Variants in TMPRSS12 observed in about 807,000 individuals in gnomAD.
The protein encoded by TMPRSS12 is transmembrane protease serine 12.
In TMPRSS12, 25 loss-of-function variants were observed where a neutral mutation model predicts 26.0. The observed-to-expected ratio is 0.96, with a 90% CI of 0.70 to 1.34. TMPRSS12 has a LOEUF of 1.34. Among genes scored for constraint, TMPRSS12 ranks in the 40% most tolerant of loss-of-function variants. TMPRSS12 has a pLI of 0.00. For missense variants in TMPRSS12, 441 were observed against 440.1 expected (o/e 1.00, Z -0.02); for synonymous variants, 150 against 161.7 (o/e 0.93, Z 0.55).
intron 2 of TMPRSS12, among the ~76,000 whole-genome samples, chr12:50,850,415 C>CA (rs1038045520): frequency 7.2e-5 from 11 of 152,202 alleles, no homozygotes; most frequent in Admixed American, 6.5e-4. Context: ...CCTGTCTCTA[C>CA]AAAAAATTTT....
intron 3 of TMPRSS12, among the ~76,000 whole-genome samples, chr12:50,876,221 A>C (rs1938111247): frequency 6.6e-6 from 1 of 152,210 alleles, no homozygotes; most frequent in Non-Finnish European, 1.5e-5. Context: ...CACTAATCAG[A>C]ATGGCTATTG....
At chr12:50,880,966 C>CTTTTTTTTTTTTTTTTT (rs869152225) in intron 3 of TMPRSS12, among the ~76,000 whole-genome samples, 1 of 61,786 alleles carries the variant, frequency 1.6e-5, no homozygotes. Flanking sequence ...TCAGTAATTT[C>CTTTTTTTTTTTTTTTTT]TTTTTTTTTT....
In TMPRSS12 at chr12:50,887,202, G is replaced by T. The variant is rs368800710; in HGVS notation, c.796-60G>T. 3.9e-6 allele frequency: 6 copies of T among 1,520,882 alleles called. No homozygotes were observed. The African/African-American group carries it at 6.9e-5, about 18-fold the overall frequency. 94.2% of individuals were successfully genotyped at this position (1,520,882 alleles called of 1,614,324 possible). ...TTTGATGTAAATAATTTATTCCAGTGTTACTGTTGCTTGAAGAATACTAGA... is the reference window on the plus strand; with the variant it reads ...TTTGATGTAAATAATTTATTCCAGTTTTACTGTTGCTTGAAGAATACTAGA... On this transcript the variant is annotated intron_variant, in intron 4 of 4. Coordinates refer to ENST00000398458, the MANE Select transcript of TMPRSS12 (RefSeq NM_182559.3).
chr12:50,861,025 T>C (rs1418299477), intron 3 of TMPRSS12, among the ~76,000 whole-genome samples: 1 of 152,154 alleles, frequency 6.6e-6, no homozygotes, highest in African/African-American at 2.4e-5. Flanking sequence ...TTTATAGGCA[T>C]GAGCACCATG....
chr12:50,857,565 T>C (rs924479011), intron 2 of TMPRSS12, among the ~76,000 whole-genome samples: 18 of 152,186 alleles, frequency 1.2e-4, no homozygotes, highest in African/African-American at 4.3e-4. Flanking sequence ...AGTTCTTCCT[T>C]CCTAATTTGA....
chr12:50,859,908 C>T (rs1287804256), intron 3 of TMPRSS12, among the ~76,000 whole-genome samples: 3 of 152,188 alleles, frequency 2.0e-5, no homozygotes, highest in African/African-American at 7.2e-5. Context: ...CTGTGTTTCA[C>T]TCTGTGTATT....
At chr12:50,884,811 G>T (rs1012127395) in intron 3 of TMPRSS12, among the ~76,000 whole-genome samples, 5 of 151,748 alleles carry the variant, frequency 3.3e-5, no homozygotes, top group African/African-American at 1.2e-4. Flanking sequence ...GGCAGAGGTT[G>T]TAGTGAGCCG....
In TMPRSS12 at chr12:50,842,992, C is replaced by A; in HGVS notation, c.28C>A (p.Leu10Met). The A allele has an allele frequency of 4.4e-6, 7 of 1,599,938 alleles. No individual in the cohort carries two copies. Among genetic ancestry groups the A allele is most frequent in the Non-Finnish European group, 6.0e-6 (7 of 1,173,038 alleles). Reference protein sequence around the residue: MRLGLLSVALLFVGSSHLYS... With the variant: MRLGLLSVAMLFVGSSHLYS... ...GCGGCTGGGGCTCCTGAGCGTGGCG[C>A]TGTTGTTTGTGGGGAGCTCTCACTT... Residue 10 changes from leucine to methionine, a missense_variant, in exon 1 of 5, where the codon CTG becomes ATG. Transcript: ENST00000398458.
At chr12:50,872,819 A>C (rs867774046) in intron 3 of TMPRSS12, among the ~76,000 whole-genome samples, 10 of 87,080 alleles carry the variant, frequency 1.1e-4, no homozygotes, top group East Asian at 4.6e-4. Flanking sequence ...TATATGACGT[A>C]TATATGTACA....
At chr12:50,847,928 T>G (rs1019629728) in intron 2 of TMPRSS12, 5 of 151,782 alleles carry the variant, frequency 3.3e-5, no homozygotes, top group African/African-American at 1.2e-4. Flanking sequence ...CACATATATA[T>G]TCTTCAACTA....
chr12:50,873,990 G>A (rs569119027), intron 3 of TMPRSS12, among the ~76,000 whole-genome samples: 6 of 152,080 alleles, frequency 3.9e-5, no homozygotes, highest in African/African-American at 1.2e-4. Context: ...TTTAGTAATA[G>A]CAATAAATTC....
intron 3 of TMPRSS12, among the ~76,000 whole-genome samples, chr12:50,872,199 C>T (rs550471096): frequency 6.6e-6 from 1 of 152,278 alleles, no homozygotes; most frequent in African/African-American, 2.4e-5. Flanking sequence ...CCCAAATGCC[C>T]ATCAATCAAC....
At chr12:50,886,858 A>C (rs1242661934) in intron 4 of TMPRSS12, 1 of 161,212 alleles carries the variant, frequency 6.2e-6, no homozygotes, top group Admixed American at 6.3e-5. Context: ...AGAATCCTTC[A>C]TACATCTTAA....
intron 1 of TMPRSS12, 76 bp downstream of exon 1, chr12:50,843,227 T>C (rs1460956041): frequency 7.1e-7 from 1 of 1,412,232 alleles, no homozygotes; most frequent in African/African-American, 1.5e-5. Context: ...GAATTCGGGT[T>C]TCTCCTTTTC....
intron 3 of TMPRSS12, among the ~76,000 whole-genome samples, chr12:50,872,515 G>A (rs528674056): frequency 0.011 from 636 of 57,662 alleles, 17 homozygotes; most frequent in Middle Eastern, 0.019. Context: ...GCGAGACTCC[G>A]TCTCAAAAAA....
At chr12:50,866,979 C>T (rs1447104531) in intron 3 of TMPRSS12, among the ~76,000 whole-genome samples, 1 of 152,154 alleles carries the variant, frequency 6.6e-6, no homozygotes, top group Non-Finnish European at 1.5e-5. Flanking sequence ...AGAATGTAAA[C>T]AACAGCCTTC....
At chr12:50,855,749 T>G (rs748796802) in intron 2 of TMPRSS12, among the ~76,000 whole-genome samples, 3 of 152,136 alleles carry the variant, frequency 2.0e-5, no homozygotes, top group Admixed American at 6.5e-5. Context: ...TAAAGACACA[T>G]GCATGCATAT....
At chr12:50,848,399 A>G (rs1351611111) in intron 2 of TMPRSS12, 1 of 152,166 alleles carries the variant, frequency 6.6e-6, no homozygotes, top group Non-Finnish European at 1.5e-5. Flanking sequence ...TTTTCAAAGC[A>G]CTGGATTCTG....
chr12:50,859,958 G>C (rs1937919377), intron 3 of TMPRSS12, among the ~76,000 whole-genome samples: 2 of 152,098 alleles, frequency 1.3e-5, no homozygotes, highest in African/African-American at 2.4e-5. Flanking sequence ...AAGTATTATA[G>C]GTTCTTATAA....
Sources: gnomAD v4.1 joint callset for allele counts (sites outside exome capture counted in the v4.1 genomes callset) on GRCh38, gnomAD v4.1.1 for gene constraint, MANE v1.5 for transcripts, NCBI Gene and HGNC (gene_info 2026-07-23, HGNC 2026-07-21) for gene names.